The following TTC7B variants were observed in gnomAD, a reference collection of about 807,000 sequenced individuals.
TTC7B encodes tetratricopeptide repeat protein 7B.
Under a neutral mutation model 106.8 loss-of-function variants are expected in TTC7B, and 28 were observed. The ratio of observed to expected loss-of-function variants is 0.26; its 90% CI spans 0.19 to 0.36. The LOEUF is 0.36. Among genes scored for constraint, TTC7B ranks in the 10% least tolerant of loss-of-function variants. The pLI, the probability that TTC7B is intolerant of heterozygous loss-of-function variation, is 1.00. For missense variants in TTC7B, 862 were observed against 1,076.4 expected (o/e 0.80, Z 2.79); for synonymous variants, 405 against 430.6 (o/e 0.94, Z 0.74).
chr14:90,577,076 A>G lies in TTC7B; in HGVS notation c.2310+1030T>C, dbSNP rs923338159. On this transcript the variant is annotated intron_variant, in intron 19 of 19. Transcript: ENST00000328459. This position sits in a 1 kb window ranked among gnomAD's most constrained non-coding sequence, Gnocchi z 5.0. ...TCACTCTTCCATATCACACACCACC[A>G]TCTGGTTATGGGTGCTAAGCCTCCA... is the stretch of plus-strand genomic sequence containing the variant. 1.3e-5 allele frequency among the ~76,000 whole-genome samples: 2 copies of G among 152,116 alleles called. No homozygotes were observed. The highest frequency in any genetic ancestry group is 1.5e-5 in the Non-Finnish European group (1 of 68,006).
In TTC7B at chr14:90,805,516, G is replaced by A. The variant is rs771937876; in HGVS notation, c.121+10659C>T. On this transcript the variant is annotated intron_variant, in intron 1 of 19. Transcript: ENST00000328459. The surrounding 1 kb of genome is among the most constrained non-coding windows in gnomAD (Gnocchi z 4.0). The stretch of plus-strand genomic sequence containing the variant: ...CCTCACCTCAGGGGATCTACCCACC[G>A]TGGCCTCCCAAACTGCTGGGATTGC... Among the ~76,000 whole-genome samples the A allele has an allele frequency of 6.6e-6, 1 of 152,124 alleles. No homozygotes were observed.
At chr14:90,721,647 A>C (rs1566855595) in intron 5 of TTC7B, among the ~76,000 whole-genome samples, 1 of 152,124 alleles carries the variant, frequency 6.6e-6, no homozygotes, top group Non-Finnish European at 1.5e-5. Context: ...GAAGGTACTG[A>C]CAGGGCATGG....
intron 15 of TTC7B, among the ~76,000 whole-genome samples, chr14:90,638,634 C>T (rs1271180018): frequency 6.6e-6 from 1 of 152,156 alleles, no homozygotes; most frequent in Admixed American, 6.5e-5. Flanking sequence ...GATTAGAAAA[C>T]CTACTGTCAT....
chr14:90,525,309 C>T lies in TTC7B; in HGVS notation c.*16059G>A, dbSNP rs1009291181. 35 of 152,278 alleles carry T rather than the reference C, an allele frequency of 2.3e-4. No homozygotes were observed. The highest frequency in any genetic ancestry group is 8.0e-4 in the African/African-American group (33 of 41,470). The allele number at this position is 152,278 out of a possible 1,614,324, so 9.4% of individuals were successfully genotyped here. ...CATATGGACAGATCACAATTCGCTT[C>T]TCCTTTGATCTGTTGGTGGACATTT... On this transcript the variant is annotated 3_prime_UTR_variant, in exon 20 of 20. Transcript: ENST00000328459.
chr14:90,728,337 CAAAAAAAA>C (rs35504744), intron 5 of TTC7B, among the ~76,000 whole-genome samples: 4 of 40,036 alleles, frequency 1.0e-4, no homozygotes, highest in Non-Finnish European at 1.2e-4. Flanking sequence ...GTCCCCCCCG[CAAAAAAAA>C]AAAAAAAAAA....
intron 3 of TTC7B, among the ~76,000 whole-genome samples, chr14:90,765,482 T>C (rs1890645142): frequency 6.6e-6 from 1 of 152,220 alleles, no homozygotes; most frequent in Non-Finnish European, 1.5e-5. Context: ...TATATATCAA[T>C]AAATCTGTTA....
chr14:90,694,616 A>C (rs1390435718), intron 6 of TTC7B, among the ~76,000 whole-genome samples: 2 of 147,682 alleles, frequency 1.4e-5, no homozygotes, highest in Non-Finnish European at 3.0e-5. Flanking sequence ...ATATATGTAT[A>C]ATATATGTCA....
intron 1 of TTC7B, among the ~76,000 whole-genome samples, chr14:90,809,570 C>T (rs1377448931): frequency 6.6e-6 from 1 of 152,282 alleles, no homozygotes; most frequent in Non-Finnish European, 1.5e-5. Context: ...CAAGGGCAAA[C>T]ACTTGTCCTT....
At chr14:90,650,206 G>A (rs1047219980) in intron 13 of TTC7B, among the ~76,000 whole-genome samples, 2 of 152,176 alleles carry the variant, frequency 1.3e-5, no homozygotes, top group African/African-American at 2.4e-5. Flanking sequence ...CGACTATTAC[G>A]CTTCTTGTCC....
intron 9 of TTC7B, among the ~76,000 whole-genome samples, chr14:90,668,435 A>AT (rs1461984153): frequency 1.3e-5 from 2 of 152,064 alleles, no homozygotes; most frequent in Non-Finnish European, 2.9e-5. Flanking sequence ...CCAGGGCTGA[A>AT]TTTTTTTTAC....
chr14:90,626,079 G>A (rs984999777), intron 15 of TTC7B, among the ~76,000 whole-genome samples: 4 of 152,018 alleles, frequency 2.6e-5, no homozygotes, highest in African/African-American at 9.7e-5. Flanking sequence ...GATCACAAGG[G>A]GATTCATGCG....
At chr14:90,734,901 A>G (rs113354903) in intron 4 of TTC7B, among the ~76,000 whole-genome samples, 14,385 of 152,092 alleles carry the variant, frequency 0.095, 1,658 homozygotes, top group African/African-American at 0.28. Flanking sequence ...CTCCTGCCTC[A>G]GCCTCCTGAG....
chr14:90,665,335 T>C (rs542862731), intron 9 of TTC7B, among the ~76,000 whole-genome samples: 1 of 152,346 alleles, frequency 6.6e-6, no homozygotes, highest in East Asian at 1.9e-4. Flanking sequence ...ATCATTTAAG[T>C]GCGAGTCAAA....
chr14:90,587,334 C>T (rs1891757871), intron 18 of TTC7B, among the ~76,000 whole-genome samples: 1 of 152,250 alleles, frequency 6.6e-6, no homozygotes, highest in Non-Finnish European at 1.5e-5. Flanking sequence ...CTTAACATGG[C>T]TGCCAGGGGT....
At chr14:90,711,061 A>G (rs1002016820) in intron 5 of TTC7B, among the ~76,000 whole-genome samples, 1 of 152,352 alleles carries the variant, frequency 6.6e-6, no homozygotes, top group South Asian at 2.1e-4. Flanking sequence ...AAGTGAGAGA[A>G]TTCATTGTTA....
intron 6 of TTC7B, among the ~76,000 whole-genome samples, chr14:90,691,308 C>T (rs1009807823): frequency 2.0e-5 from 3 of 152,180 alleles, no homozygotes; most frequent in African/African-American, 7.2e-5. Context: ...TGCTAGGTCT[C>T]ATTTTCTCTC....
At chr14:90,790,113 G>A (rs930314521) in intron 1 of TTC7B, among the ~76,000 whole-genome samples, 3 of 152,008 alleles carry the variant, frequency 2.0e-5, no homozygotes, top group African/African-American at 7.2e-5. Context: ...ACTGTTTATA[G>A]AAGTCTGTCT....
chr14:90,626,741 C>G (rs113688454), intron 15 of TTC7B, among the ~76,000 whole-genome samples: 2 of 152,196 alleles, frequency 1.3e-5, no homozygotes, highest in Non-Finnish European at 2.9e-5. Flanking sequence ...TGCTTTTCAT[C>G]CATCAAACCT....
intron 7 of TTC7B, among the ~76,000 whole-genome samples, chr14:90,681,719 C>A (rs1280434918): frequency 2.0e-5 from 3 of 152,180 alleles, no homozygotes; most frequent in South Asian, 4.1e-4. Context: ...GAATGAGGAG[C>A]AAGATTCGGG....
Sources: gnomAD v4.1 joint callset for allele counts (sites outside exome capture counted in the v4.1 genomes callset) on GRCh38, gnomAD v4.1.1 for gene constraint, Gnocchi (gnomAD v3.1) non-coding constraint, MANE v1.5 for transcripts, NCBI Gene and HGNC (gene_info 2026-07-23, HGNC 2026-07-21) for gene names.